TM9SF3: variants seen among roughly 807,000 people sequenced by gnomAD.
The protein encoded by TM9SF3 is SM-11044-binding protein.
TM9SF3 carries 14 observed loss-of-function variants against 78.6 expected under a neutral mutation model. That is an observed-to-expected ratio of 0.18 (90% CI 0.12 to 0.28). TM9SF3 has a LOEUF of 0.28. Among genes scored for constraint, TM9SF3 ranks in the 10% least tolerant of loss-of-function variants. TM9SF3 has a pLI of 1.00. For synonymous variants in TM9SF3, 231 were observed against 241.7 expected (o/e 0.96, Z 0.41); for missense variants, 496 against 721.9 (o/e 0.69, Z 3.59).
At chr10:96,579,674 G>A (rs936859709) in intron 1 of TM9SF3, among the ~76,000 whole-genome samples, 6 of 152,168 alleles carry the variant, frequency 3.9e-5, no homozygotes, top group African/African-American at 1.2e-4. Flanking sequence ...ACAGTAATTA[G>A]AAATACACAT....
chr10:96,551,155 C>T (rs972721522), intron 7 of TM9SF3, 90 bp downstream of exon 7: 11 of 1,059,694 alleles, frequency 1.0e-5, no homozygotes, highest in African/African-American at 3.2e-5. Flanking sequence ...AAATAAGTAA[C>T]GATTTAATTA....
intron 13 of TM9SF3, 52 bp from the exon 14 acceptor site, chr10:96,527,341 G>A (rs773283413): frequency 1.3e-6 from 2 of 1,583,254 alleles, no homozygotes; most frequent in Non-Finnish European, 1.7e-6. Flanking sequence ...TTCAACTTAA[G>A]GCCTTAAATA....
At position 96,520,864 on chromosome 10, in the gene TM9SF3, G is replaced by A. The variant is rs894551119; in HGVS notation, c.*1399C>T. Reference sequence around the variant, plus strand: ...AGCAAGTCTGGAGATTTTAAAATACGGGTCCCCTGTATGAGAGTAGCATAG... The same window carrying A: ...AGCAAGTCTGGAGATTTTAAAATACAGGTCCCCTGTATGAGAGTAGCATAG... On this transcript the variant is annotated 3_prime_UTR_variant, in exon 15 of 15. Transcript: ENST00000371142. The A allele has an allele frequency of 1.0e-5, 4 of 396,694 alleles. No homozygotes were observed. The highest frequency in any genetic ancestry group is 4.1e-5 in the African/African-American group (2 of 48,508). The allele number at this position is 396,694 out of a possible 1,614,324, so 24.6% of individuals were successfully genotyped here.
intron 5 of TM9SF3, among the ~76,000 whole-genome samples, chr10:96,554,284 C>T (rs868778991): frequency 2.0e-5 from 3 of 151,924 alleles, no homozygotes; most frequent in Non-Finnish European, 1.5e-5. Context: ...TTCTTTTCAT[C>T]TTCTCACCTC....
At chr10:96,526,488 T>C (rs1157887201) in intron 14 of TM9SF3, among the ~76,000 whole-genome samples, 1 of 152,166 alleles carries the variant, frequency 6.6e-6, no homozygotes, top group Non-Finnish European at 1.5e-5. Flanking sequence ...ATCATACTGT[T>C]TCCAAAAGTT....
At chr10:96,529,831 A>G (rs1165513890) in intron 11 of TM9SF3, among the ~76,000 whole-genome samples, 1 of 152,192 alleles carries the variant, frequency 6.6e-6, no homozygotes, top group Non-Finnish European at 1.5e-5. Flanking sequence ...GGAAACATGT[A>G]AGGCTATTTT....
chr10:96,569,889 T>C (rs778542620), intron 2 of TM9SF3, among the ~76,000 whole-genome samples: 1 of 151,848 alleles, frequency 6.6e-6, no homozygotes, highest in Non-Finnish European at 1.5e-5. Context: ...AAAATCAGCT[T>C]GGCGTGGTGG....
At chr10:96,573,066 A>G (rs4919032) in intron 2 of TM9SF3, among the ~76,000 whole-genome samples, 89,409 of 151,984 alleles carry the variant, frequency 0.59, 28,002 homozygotes, top group East Asian at 0.83. Context: ...ATGTATGTGT[A>G]CGTATAGTTT....
intron 1 of TM9SF3, among the ~76,000 whole-genome samples, chr10:96,577,900 A>G (rs752189418): frequency 2.0e-5 from 3 of 152,172 alleles, no homozygotes; most frequent in Non-Finnish European, 4.4e-5. Context: ...CCTTATCTCC[A>G]GTCCTCCATC....
chr10:96,568,358 C>T (rs1051283994), intron 2 of TM9SF3, among the ~76,000 whole-genome samples: 1 of 152,190 alleles, frequency 6.6e-6, no homozygotes, highest in Admixed American at 6.5e-5. Flanking sequence ...AGGTGAAACA[C>T]ACATCCATGA....
intron 5 of TM9SF3, among the ~76,000 whole-genome samples, chr10:96,553,844 A>T (rs1209118783): frequency 1.3e-5 from 2 of 152,244 alleles, no homozygotes; most frequent in African/African-American, 4.8e-5. Context: ...AATGTAGCAT[A>T]TCTGATTTGA....
At chr10:96,572,843 C>T (rs1471446937) in intron 2 of TM9SF3, among the ~76,000 whole-genome samples, 1 of 152,074 alleles carries the variant, frequency 6.6e-6, no homozygotes, top group African/African-American at 2.4e-5. Context: ...CTCAATTTAG[C>T]ATTTTTGTCT....
chr10:96,557,317 CCA>C (rs200262852), intron 5 of TM9SF3, among the ~76,000 whole-genome samples: 1,962 of 152,236 alleles, frequency 0.013, 29 homozygotes, highest in Non-Finnish European at 0.016. Flanking sequence ...AAATACAGCC[CCA>C]GTGATGTCAG....
chr10:96,524,118 TG>T (rs1266716471), intron 14 of TM9SF3, among the ~76,000 whole-genome samples: 1 of 151,812 alleles, frequency 6.6e-6, no homozygotes, highest in African/African-American at 2.4e-5. Flanking sequence ...TGTTAGTACA[TG>T]GGGACTCACT....
intron 3 of TM9SF3, 78 bp from the exon 4 acceptor site, chr10:96,562,216 G>GTTTTT (rs34868868): frequency 5.4e-4 from 302 of 560,728 alleles, no homozygotes; most frequent in South Asian, 1.1e-3. Context: ...TGCTCATTAA[G>GTTTTT]TTTTTTTTTT....
chr10:96,586,779 C>A lies in TM9SF3; in HGVS notation c.57G>T (p.Leu19=). ...GVAAAAALWL[L]LLLLPRTRAD... is the part of the protein sequence containing the mutation. ...CCCGGGTCCGGGGCAGCAGCAGCAG[C>A]AGCAGCCACAGCGCGGCGGCCGCCG... Residue 19 remains leucine, a synonymous_variant, in exon 1 of 15, where the codon CTG becomes CTT. Transcript: ENST00000371142. The A allele has an allele frequency of 1.6e-6, 2 of 1,288,146 alleles. No homozygotes were observed. Among genetic ancestry groups the A allele is most frequent in the Non-Finnish European group, 2.0e-6 (2 of 1,016,056 alleles). The allele number at this position is 1,288,146 out of a possible 1,614,324, so 79.8% of individuals were successfully genotyped here. A position where few individuals can be genotyped will look rare whatever the true frequency, so the allele number is the denominator to read the frequency against.
chr10:96,542,505 T>C (rs1052953921), intron 9 of TM9SF3, among the ~76,000 whole-genome samples: 3 of 152,200 alleles, frequency 2.0e-5, no homozygotes, highest in African/African-American at 7.2e-5. Flanking sequence ...ATTTACAAAT[T>C]GGTAAAAATT....
At chr10:96,526,404 T>C (rs978133194) in intron 14 of TM9SF3, among the ~76,000 whole-genome samples, 1 of 152,072 alleles carries the variant, frequency 6.6e-6, no homozygotes, top group Non-Finnish European at 1.5e-5. Context: ...TCCATGGCCA[T>C]AAAAAAAGCT....
At chr10:96,580,397 C>G (rs4919034) in intron 1 of TM9SF3, among the ~76,000 whole-genome samples, 40,691 of 151,626 alleles carry the variant, frequency 0.27, 6,783 homozygotes, top group South Asian at 0.38. Flanking sequence ...TCCTGAGTAA[C>G]TAGGACTACA....
Sources: allele counts gnomAD v4.1 joint callset (sites outside exome capture counted in the v4.1 genomes callset), GRCh38; gene constraint gnomAD v4.1.1; transcripts MANE v1.5; gene names NCBI Gene and HGNC (gene_info 2026-07-23, HGNC 2026-07-21).